The following PITPNC1 variants were observed in gnomAD, a reference collection of about 807,000 sequenced individuals.
The protein encoded by PITPNC1 is cytoplasmic phosphatidylinositol transfer protein 1.
PITPNC1 carries 18 observed loss-of-function variants against 44.7 expected under a neutral mutation model. The observed-to-expected ratio is 0.40, with a 90% CI of 0.28 to 0.60. The LOEUF is 0.60. Among genes scored for constraint, PITPNC1 ranks in the 20% least tolerant of loss-of-function variants. The probability of loss-of-function intolerance (pLI) is 0.39; values close to 1 mark genes in which losing one functional copy is unlikely to be tolerated. For synonymous variants in PITPNC1, 141 were observed against 149.6 expected (o/e 0.94, Z 0.42); for missense variants, 290 against 418.4 (o/e 0.69, Z 2.68).
At chr17:67,647,926 G>C (rs1289533849) in intron 6 of PITPNC1, among the ~76,000 whole-genome samples, 4 of 152,170 alleles carry the variant, frequency 2.6e-5, no homozygotes, top group African/African-American at 9.7e-5. Flanking sequence ...GGGAGAAACA[G>C]CCTGAAGAAT....
At chr17:67,509,559 A>AAAAAAAAT (rs1555659945) in intron 1 of PITPNC1, among the ~76,000 whole-genome samples, 2 of 146,228 alleles carry the variant, frequency 1.4e-5, no homozygotes, top group Admixed American at 6.8e-5. Context: ...AATTGAATTA[A>AAAAAAAAT]AAATAAATAA....
At chr17:67,618,915 C>T (rs1380904058) in intron 5 of PITPNC1, among the ~76,000 whole-genome samples, 1 of 151,590 alleles carries the variant, frequency 6.6e-6, no homozygotes, top group Non-Finnish European at 1.5e-5. Flanking sequence ...AAAAAGTAGC[C>T]GGGCATGGTG....
intron 1 of PITPNC1, among the ~76,000 whole-genome samples, chr17:67,478,429 C>T (rs1053005712): frequency 2.0e-5 from 3 of 152,176 alleles, no homozygotes; most frequent in Non-Finnish European, 2.9e-5. Context: ...AACCTCTTTT[C>T]GGGAAACCAA....
chr17:67,579,099 G>A (rs1027546366), intron 5 of PITPNC1, among the ~76,000 whole-genome samples: 4 of 152,230 alleles, frequency 2.6e-5, no homozygotes, highest in Non-Finnish European at 4.4e-5. Context: ...CTTAAAATCA[G>A]GGGGTACCCC....
intron 1 of PITPNC1, among the ~76,000 whole-genome samples, chr17:67,401,589 T>C (rs971715937): frequency 7.9e-5 from 12 of 152,094 alleles, no homozygotes; most frequent in Non-Finnish European, 1.0e-4. Flanking sequence ...CTCATGCCTG[T>C]AATCCCAGCA....
intron 5 of PITPNC1, among the ~76,000 whole-genome samples, chr17:67,629,885 G>A (rs1207054407): frequency 6.6e-6 from 1 of 152,212 alleles, no homozygotes; most frequent in Non-Finnish European, 1.5e-5. Context: ...GGAGAAGTCA[G>A]TGGCCACCTC....
intron 1 of PITPNC1, among the ~76,000 whole-genome samples, chr17:67,420,980 A>G (rs527242280): frequency 2.0e-5 from 3 of 152,302 alleles, no homozygotes; most frequent in Admixed American, 2.0e-4. Context: ...TACATTATCC[A>G]TCATGTTAGC....
chr17:67,518,047 C>T (rs2040280023), intron 1 of PITPNC1, among the ~76,000 whole-genome samples: 1 of 152,084 alleles, frequency 6.6e-6, no homozygotes. Context: ...CTTTTTCACC[C>T]CAAATTGTTG....
intron 5 of PITPNC1, among the ~76,000 whole-genome samples, chr17:67,626,266 A>T (rs777701808): frequency 8.6e-5 from 13 of 151,998 alleles, no homozygotes. Context: ...GATTACAGGG[A>T]TGAGCCGCTG....
intron 2 of PITPNC1, among the ~76,000 whole-genome samples, chr17:67,542,762 G>A (rs921458793): frequency 1.3e-5 from 2 of 152,142 alleles, no homozygotes; most frequent in Admixed American, 1.3e-4. Context: ...AATCTGTATG[G>A]GAAGTCAAAC....
chr17:67,513,477 ATGTG>A (rs10653914), intron 1 of PITPNC1, among the ~76,000 whole-genome samples: 2 of 131,728 alleles, frequency 1.5e-5, no homozygotes, highest in African/African-American at 3.2e-5. Context: ...TTTTTACTAT[ATGTG>A]TGTGTGTGTA....
intron 1 of PITPNC1, among the ~76,000 whole-genome samples, chr17:67,484,592 G>A (rs1292677370): frequency 2.0e-5 from 3 of 152,122 alleles, no homozygotes; most frequent in Admixed American, 1.3e-4. Context: ...AGTTGGTCTG[G>A]ACCTGTGAAA....
At chr17:67,584,843 A>G (rs1395255731) in intron 5 of PITPNC1, among the ~76,000 whole-genome samples, 1 of 152,200 alleles carries the variant, frequency 6.6e-6, no homozygotes, top group Non-Finnish European at 1.5e-5. Context: ...GGCCGGTTGC[A>G]GTGGCTCACG....
At chr17:67,544,507 TTAATTA>T (rs1251051660) in intron 2 of PITPNC1, among the ~76,000 whole-genome samples, 1 of 152,198 alleles carries the variant, frequency 6.6e-6, no homozygotes, top group Non-Finnish European at 1.5e-5. Flanking sequence ...GGCTGCTGGA[TTAATTA>T]GGCTGTGCTG....
chr17:67,377,426 C>T lies in PITPNC1; in HGVS notation c.-729C>T, dbSNP rs1231318428. 6.5e-6 allele frequency: 1 copy of T among 152,792 alleles called. No individual in the cohort carries two copies. The highest frequency in any genetic ancestry group is 1.5e-5 in the Non-Finnish European group (1 of 68,014). 9.5% of individuals were successfully genotyped at this position (152,792 alleles called of 1,614,324 possible). A position where few individuals can be genotyped will look rare whatever the true frequency, so the allele number is the denominator to read the frequency against. ...GGACGCGCGCGGAAGGCGCCAGCTTCCTCCCGCCCGCCCCTGGCAGCCGCG... is the reference window on the plus strand; with the variant it reads ...GGACGCGCGCGGAAGGCGCCAGCTTTCTCCCGCCCGCCCCTGGCAGCCGCG... On this transcript the variant is annotated 5_prime_UTR_variant, in exon 1 of 9. Transcript: ENST00000581322.
intron 2 of PITPNC1, among the ~76,000 whole-genome samples, chr17:67,534,034 A>G (rs1211116961): frequency 6.6e-6 from 1 of 151,970 alleles, no homozygotes; most frequent in Non-Finnish European, 1.5e-5. Context: ...AGCTGGGATT[A>G]CAGGTATCTA....
At chr17:67,470,582 G>T (rs902934834) in intron 1 of PITPNC1, among the ~76,000 whole-genome samples, 9 of 151,962 alleles carry the variant, frequency 5.9e-5, no homozygotes, top group South Asian at 2.1e-4. Context: ...GAGGTGGGGG[G>T]GGTCAGCCCC....
At chr17:67,528,776 T>A (rs2144121543) in intron 1 of PITPNC1, among the ~76,000 whole-genome samples, 1 of 152,336 alleles carries the variant, frequency 6.6e-6, no homozygotes, top group South Asian at 2.1e-4. Context: ...TGGAACAACC[T>A]GAGATTCAGC....
At chr17:67,393,189 A>C (rs11654663) in intron 1 of PITPNC1, among the ~76,000 whole-genome samples, 46,159 of 151,834 alleles carry the variant, frequency 0.3, 8,155 homozygotes, top group African/African-American at 0.49. Context: ...TTGCCATCTT[A>C]AAACTTTTCG....
Sources: gnomAD v4.1 joint callset for allele counts (sites outside exome capture counted in the v4.1 genomes callset) on GRCh38, gnomAD v4.1.1 for gene constraint, MANE v1.5 for transcripts, NCBI Gene and HGNC (gene_info 2026-07-23, HGNC 2026-07-21) for gene names.